Variants in PRRG1 observed in about 807,000 individuals in gnomAD.
PRRG1 encodes proline rich and Gla domain 1.
In PRRG1, 5 loss-of-function variants were observed where a neutral mutation model predicts 11.8. The ratio of observed to expected loss-of-function variants is 0.42; its 90% confidence interval spans 0.22 to 0.89. The LOEUF (loss-of-function observed/expected upper bound fraction) is 0.89. PRRG1 is among the 40% of genes least tolerant of loss of function. The probability of loss-of-function intolerance (pLI) is 0.28; values close to 1 mark genes in which losing one functional copy is unlikely to be tolerated. For missense variants in PRRG1, 155 were observed against 166.1 expected (o/e 0.93, Z 0.37); for synonymous variants, 66 against 60.4 (o/e 1.09, Z -0.43).
intron 1 of PRRG1, among the ~76,000 whole-genome samples, chrX:37,391,598 G>T (rs1931536814): frequency 8.9e-6 from 1 of 111,776 alleles, no homozygotes; most frequent in Non-Finnish European, 1.9e-5. Flanking sequence ...AGATTTCTCT[G>T]AGGCATTTAG....
chrX:37,374,300 C>T (rs552936774), intron 1 of PRRG1, among the ~76,000 whole-genome samples: 1 of 111,852 alleles, frequency 8.9e-6, no homozygotes, highest in African/African-American at 3.2e-5. Flanking sequence ...GTTGTTTTGA[C>T]TGTGATATGT....
At chrX:37,406,728 A>G (rs2146583016) in intron 2 of PRRG1, among the ~76,000 whole-genome samples, 1 of 111,449 alleles carries the variant, frequency 9.0e-6, no homozygotes, top group Admixed American at 9.6e-5. Flanking sequence ...GCCCGGCATT[A>G]AGAACCATTA....
chrX:37,429,870 C>T (rs1296891230), intron 3 of PRRG1, among the ~76,000 whole-genome samples: 3 of 111,661 alleles, frequency 2.7e-5, no homozygotes, highest in African/African-American at 9.8e-5. Flanking sequence ...AGGCAGGAGG[C>T]GAAAGGCACT....
chrX:37,402,957 A>C (rs1456422580), intron 1 of PRRG1, among the ~76,000 whole-genome samples: 6 of 111,549 alleles, frequency 5.4e-5, no homozygotes, highest in Admixed American at 1.9e-4. Context: ...TTAGAATGGC[A>C]ATCATTAAAA....
chrX:37,391,659 G>T (rs1286054964), intron 1 of PRRG1, among the ~76,000 whole-genome samples: 1 of 111,459 alleles, frequency 9.0e-6, no homozygotes, highest in African/African-American at 3.3e-5. Flanking sequence ...GATTTATTGG[G>T]ATGGAAGGGA....
At chrX:37,416,822 T>C (rs947084473) in intron 2 of PRRG1, among the ~76,000 whole-genome samples, 3 of 112,370 alleles carry the variant, frequency 2.7e-5, no homozygotes, top group Admixed American at 9.4e-5. Context: ...GAAGTAGTTA[T>C]AAAGTTTAAA....
chrX:37,403,169 A>G (rs1287906656), intron 1 of PRRG1, among the ~76,000 whole-genome samples: 1 of 109,854 alleles, frequency 9.1e-6, no homozygotes, highest in Non-Finnish European at 1.9e-5. Context: ...TGCTATAAAG[A>G]CACATGCACA....
intron 1 of PRRG1, among the ~76,000 whole-genome samples, chrX:37,371,323 G>T (rs1488248462): frequency 2.7e-5 from 3 of 111,748 alleles, no homozygotes; most frequent in Non-Finnish European, 5.7e-5. Context: ...ACCCAATGTG[G>T]GTCTCCTCTG....
At chrX:37,442,002 A>T in intron 3 of PRRG1, 5 of 770,416 alleles carry the variant, frequency 6.5e-6, no homozygotes, top group Non-Finnish European at 7.8e-6. Flanking sequence ...GCAAGACGTG[A>T]GCCCCAGAAG....
chrX:37,431,951 A>G (rs1230253703), intron 3 of PRRG1, among the ~76,000 whole-genome samples: 1 of 107,357 alleles, frequency 9.3e-6, no homozygotes, highest in Admixed American at 1.0e-4. Flanking sequence ...ATATATATAT[A>G]TATTTAGTAG....
chrX:37,447,753 T>C (rs1266289336), intron 3 of PRRG1, among the ~76,000 whole-genome samples: 3 of 112,541 alleles, frequency 2.7e-5, no homozygotes, highest in African/African-American at 6.5e-5. Flanking sequence ...TTGCTTGCCA[T>C]AACAATAATG....
At chrX:37,446,208 G>A (rs782067156) in intron 3 of PRRG1, among the ~76,000 whole-genome samples, 8 of 112,151 alleles carry the variant, frequency 7.1e-5, no homozygotes, top group Non-Finnish European at 1.3e-4. Context: ...GAGTATAGAA[G>A]ATACTTTTGG....
intron 3 of PRRG1, among the ~76,000 whole-genome samples, chrX:37,432,696 A>T (rs782683421): frequency 8.9e-6 from 1 of 112,090 alleles, no homozygotes; most frequent in South Asian, 3.7e-4. Context: ...CTCTGCCTAC[A>T]CTTGCTCCCC....
At chrX:37,414,481 G>A (rs986323076) in intron 2 of PRRG1, among the ~76,000 whole-genome samples, 4 of 111,806 alleles carry the variant, frequency 3.6e-5, no homozygotes, top group African/African-American at 1.3e-4. Flanking sequence ...AAAATGAAGG[G>A]GTTAAGATGG....
chrX:37,426,039 C>G, intron 3 of PRRG1, 39 bp downstream of exon 3: 1 of 1,112,591 alleles, frequency 9.0e-7, no homozygotes, highest in South Asian at 2.3e-5. Flanking sequence ...ACAGATTTGC[C>G]TACCTTTTTG....
At chrX:37,380,979 C>T (rs187773350) in intron 1 of PRRG1, among the ~76,000 whole-genome samples, 124 of 111,642 alleles carry the variant, frequency 1.1e-3, no homozygotes, top group Non-Finnish European at 2.0e-3. Flanking sequence ...AAGGCTACCC[C>T]CAAATGAACT....
At chrX:37,398,311 T>C (rs1421742156) in intron 1 of PRRG1, among the ~76,000 whole-genome samples, 8 of 111,584 alleles carry the variant, frequency 7.2e-5, no homozygotes, top group Admixed American at 5.7e-4. Flanking sequence ...GACAGCAGCA[T>C]TCGCGGTTCA....
intron 1 of PRRG1, among the ~76,000 whole-genome samples, chrX:37,360,033 C>A (rs184615156): frequency 1.3e-4 from 15 of 111,131 alleles, no homozygotes; most frequent in African/African-American, 4.9e-4. Context: ...TTTGTGTCCC[C>A]TCTCTTCTTT....
intron 1 of PRRG1, among the ~76,000 whole-genome samples, chrX:37,357,641 A>G (rs1198994020): frequency 2.3e-4 from 26 of 112,093 alleles, no homozygotes; most frequent in African/African-American, 8.1e-4. Context: ...TGTCCAGAGT[A>G]TCCATGCTGT....
Sources: gnomAD v4.1 joint callset for allele counts (sites outside exome capture counted in the v4.1 genomes callset) on GRCh38, gnomAD v4.1.1 for gene constraint, MANE v1.5 for transcripts, NCBI Gene and HGNC (gene_info 2026-07-23, HGNC 2026-07-21) for gene names.